Variants in HHATL observed in about 807,000 individuals in gnomAD.
The protein encoded by HHATL is hedgehog acyltransferase like.
HHATL carries 49 observed loss-of-function variants against 59.7 expected under a neutral mutation model. The observed-to-expected ratio is 0.82, with a 90% CI of 0.65 to 1.04. HHATL has a LOEUF of 1.04. Ranked by LOEUF, HHATL falls within the 50% of genes least tolerant of loss-of-function variation. HHATL has a pLI of 0.00. For synonymous variants in HHATL, 238 were observed against 257.3 expected, an observed-to-expected ratio of 0.93 and a Z score of 0.72; for missense variants, 605 against 650.8, an observed-to-expected ratio of 0.93 and a Z score of 0.77.
chr3:42,698,403 G>A (rs1489790716), intron 5 of HHATL, 52 bp from the exon 6 acceptor site: 1 of 1,544,838 alleles, frequency 6.5e-7, no homozygotes, highest in African/African-American at 1.4e-5. Context: ...TCCTGTCTCT[G>A]GAAAACCTAT....
chr3:42,699,675 C>A lies in HHATL; in HGVS notation c.174+83G>T, dbSNP rs1697847200. On this transcript the variant is annotated intron_variant, in intron 3 of 11. Transcript: ENST00000441594. ...AGAGGCCCCAGAGCTGTGAGAAGCT[C>A]TCTGTTACTTGCCAACATCTGGAAC... The A allele has an allele frequency of 1.3e-5, 16 of 1,225,616 alleles. 1 individual carries two copies. The highest frequency in any genetic ancestry group is 2.6e-5 in the East Asian group (1 of 39,128). 75.9% of individuals were successfully genotyped at this position (1,225,616 alleles called of 1,614,324 possible). A position where few individuals can be genotyped will look rare whatever the true frequency, so the allele number is the denominator to read the frequency against.
intron 9 of HHATL, among the ~76,000 whole-genome samples, chr3:42,696,277 T>C (rs1697606353): frequency 6.6e-6 from 1 of 151,988 alleles, no homozygotes; most frequent in African/African-American, 2.4e-5. Context: ...CAAGCAGAGC[T>C]CTTGCAGGCT....
At position 42,697,007 on chromosome 3, in the gene HHATL, G is replaced by A. The variant is rs765883293; in HGVS notation, c.1004C>T (p.Ala335Val). The A allele has an allele frequency of 4.4e-6, 7 of 1,607,534 alleles. No homozygotes were observed. The highest frequency in any genetic ancestry group is 2.2e-5 in the East Asian group (1 of 44,814). ...CGTCCTGGCCAGCACTCACGTTTCC[G>A]CAAAGACGTAGAGTGCGGTGATGCA... ...PKCITALYVF[A>V]ETHFDRGIND... Residue 335 changes from alanine (A) to valine (V), a missense_variant, in exon 8 of 12, where the codon GCG (alanine) becomes GTG (valine). Transcript: ENST00000441594.
At position 42,699,796 on chromosome 3, in the gene HHATL, A is replaced by C; in HGVS notation, c.136T>G (p.Ser46Ala). The change falls in exon 3 of 12, where the codon TCT becomes GCT. Residue 46 changes from serine (S) to alanine (A), a missense_variant. Ser to Ala is a moderately conservative substitution (Grantham distance 99). Coordinates refer to ENST00000441594, the MANE Select transcript of HHATL (RefSeq NM_020707.4). ...DGAHRKAFRE[S>A]VRPGWEYIGR... Reference sequence around the variant, plus strand: ...ATGTACTCCCAGCCAGGTCGCACAGACTCCCGGAAGGCCTTCCTGTGGGCC... The same window carrying C: ...ATGTACTCCCAGCCAGGTCGCACAGCCTCCCGGAAGGCCTTCCTGTGGGCC... 1.3e-6 allele frequency: 2 copies of C among 1,574,508 alleles called. No individual in the cohort carries two copies. Among genetic ancestry groups the C allele is most frequent in the Non-Finnish European group, 1.7e-6 (2 of 1,159,354 alleles).
In HHATL at chr3:42,697,122, C is replaced by T. The variant is rs1262155786; in HGVS notation, c.889G>A (p.Val297Met). 6.5e-7 allele frequency: 1 copy of T among 1,547,798 alleles called. No individual in the cohort carries two copies. Among genetic ancestry groups the T allele is most frequent in the East Asian group, 2.3e-5 (1 of 44,254 alleles). ...ALAGLAYSNL[V>M]YDWVKAAVLF... ...ACGGCCGCCTTCACCCAGTCATACA[C>T]CAGGTTTGAATAGGCTAGGCCAGCT... Residue 297 changes from valine to methionine, a missense_variant, in exon 8 of 12, where the codon GTG (valine) becomes ATG (methionine). Val to Met is a conservative substitution (Grantham distance 21). Coordinates refer to ENST00000441594, the MANE Select transcript of HHATL (RefSeq NM_020707.4).
chr3:42,695,648 C>T (rs1697576922), intron 9 of HHATL, among the ~76,000 whole-genome samples: 1 of 152,206 alleles, frequency 6.6e-6, no homozygotes, highest in Non-Finnish European at 1.5e-5. Flanking sequence ...TGTTGCCTCT[C>T]TCCACGTCCC....
rs757737734 is a variant in HHATL at position 42,698,177 on chromosome 3, CGAA to C, written c.655_657del (p.Phe219del). The C allele has an allele frequency of 7.3e-5, 118 of 1,613,836 alleles. No homozygotes were observed. Among genetic ancestry groups the C allele is most frequent in the Middle Eastern group, 1.6e-4 (1 of 6,084 alleles). Reference sequence around the variant, plus strand: ...AAGCGATCAAAGGTCATGATGGGCCCGAAGAAGAAGAAGGGCAGGTAGAAGTTG... The same window carrying C: ...AAGCGATCAAAGGTCATGATGGGCCCGAAGAAGAAGGGCAGGTAGAAGTTG... On this transcript the variant is annotated inframe_deletion, in exon 6 of 12. Transcript: ENST00000441594.
intron 9 of HHATL, chr3:42,694,076 T>G (rs921052448): frequency 7.5e-6 from 4 of 532,952 alleles, no homozygotes; most frequent in Non-Finnish European, 1.4e-5. Context: ...GTACTAGCTC[T>G]ATGACGATGA....
chr3:42,692,874 C>A lies in HHATL; in HGVS notation c.1392G>T (p.Gly464=), dbSNP rs1407036034. 4.3e-6 allele frequency: 7 copies of A among 1,614,152 alleles called. No individual in the cohort carries two copies. Among genetic ancestry groups the A allele is most frequent in the Non-Finnish European group, 5.9e-6 (7 of 1,179,972 alleles). ...GGATGGACAGCGTGGTCTGGGGGAA[C>A]CCTGTGTGGGGAGGGAGTCATAGAT... ...ELVARRLLLT[G]FPQTTLSILF... Residue 464 remains glycine (G), a splice_region_variant and synonymous_variant, in exon 12 of 12, where the codon GGG becomes GGT. Coordinates refer to ENST00000441594, the MANE Select transcript of HHATL (RefSeq NM_020707.4).
chr3:42,692,910 A>C, intron 11 of HHATL, 35 bp from the exon 12 acceptor site: 1 of 1,602,900 alleles, frequency 6.2e-7, no homozygotes, highest in Non-Finnish European at 8.5e-7. Flanking sequence ...GCTCAGGAGC[A>C]GCACTGCATC....
chr3:42,698,786 C>T lies in HHATL; in HGVS notation c.405G>A (p.Leu135=), dbSNP rs750570576. 9.9e-6 allele frequency: 16 copies of T among 1,612,910 alleles called. No homozygotes were observed. The highest frequency in any genetic ancestry group is 1.3e-5 in the Non-Finnish European group (15 of 1,179,654). The part of the protein sequence containing the change: ...HCVGLYVASL[L]GQPWLCLGLG... ...GGCCAAGACAGAGCCAGGGCTGGCCCAAAAGCGAGGCCACATAGAGGCCCA... is the reference window on the plus strand; with the variant it reads ...GGCCAAGACAGAGCCAGGGCTGGCCTAAAAGCGAGGCCACATAGAGGCCCA... Residue 135 remains leucine (L), a synonymous_variant, in exon 5 of 12, where the codon TTG becomes TTA. Coordinates refer to ENST00000441594, the MANE Select transcript of HHATL (RefSeq NM_020707.4).
chr3:42,693,129 G>C lies in HHATL; in HGVS notation c.1338C>G (p.Ser446Arg), dbSNP rs757458637. ...FWAIIMYNLV[S>R]LNSLKFTELV... ...GCTCTGTGAATTTGAGGCTGTTCAGGCTCACAAGGTTGTACATGATGATGG... is the reference window on the plus strand; with the variant it reads ...GCTCTGTGAATTTGAGGCTGTTCAGCCTCACAAGGTTGTACATGATGATGG... The change falls in exon 11 of 12, where the codon AGC becomes AGG. Residue 446 changes from serine (S) to arginine (R), a missense_variant. Ser to Arg is a moderately radical substitution (Grantham distance 110). Transcript: ENST00000441594. 6.2e-7 allele frequency: 1 copy of C among 1,614,148 alleles called. No homozygotes were observed. Among genetic ancestry groups the C allele is most frequent in the South Asian group, 1.1e-5 (1 of 91,084 alleles).
At chr3:42,700,606 C>G (rs1697919848) in intron 2 of HHATL, 115 bp downstream of exon 2, 1 of 652,410 alleles carries the variant, frequency 1.5e-6, no homozygotes. Context: ...CAGCCGTGTT[C>G]TAGAAGGAGT....
Position 42,692,882 on chromosome 3 carries a change from G to C in HHATL, c.1391-7C>G. On this transcript the variant is annotated splice_region_variant and splice_polypyrimidine_tract_variant and intron_variant, in intron 11 of 11. Transcript: ENST00000441594. ...AGCGTGGTCTGGGGGAACCCTGTGT[G>C]GGGAGGGAGTCATAGATGCTCAGGA... 6.2e-7 allele frequency: 1 copy of C among 1,613,772 alleles called. No homozygotes were observed. Among genetic ancestry groups the C allele is most frequent in the Non-Finnish European group, 8.5e-7 (1 of 1,179,666 alleles).
intron 9 of HHATL, among the ~76,000 whole-genome samples, chr3:42,695,492 C>T (rs78386181): frequency 0.023 from 3,476 of 152,308 alleles, 135 homozygotes; most frequent in African/African-American, 0.079. Context: ...TCCAATACCA[C>T]CTGGGTACTC....
rs764867370 is a variant in HHATL, at chr3:42,696,916, G to A, written c.1011-39C>T. 26 of 1,613,970 alleles carry A rather than the reference G, an allele frequency of 1.6e-5. No homozygotes were observed. In the African/African-American group the frequency reaches 1.7e-4, roughly 11 times the overall value. Reference sequence around the variant, plus strand: ...GCAGATGGGCATGTTGCCATCAGGCGCAGAGCTCCCCAGGCATGGGGGAAG... The same window carrying A: ...GCAGATGGGCATGTTGCCATCAGGCACAGAGCTCCCCAGGCATGGGGGAAG... On this transcript the variant is annotated intron_variant, in intron 8 of 11. Coordinates refer to ENST00000441594, the MANE Select transcript of HHATL (RefSeq NM_020707.4).
Position 42,699,749 on chromosome 3 carries a change from G to A in HHATL, c.174+9C>T, listed in dbSNP as rs765587906. ...GGATGGGAGGGACCCTGGGATGTGG[G>A]GGACCTACCATCTTCCGGCCAATGT... On this transcript the variant is annotated intron_variant, in intron 3 of 11. Transcript: ENST00000441594. 3.8e-6 allele frequency: 6 copies of A among 1,575,712 alleles called. No homozygotes were observed. In the African/African-American group the frequency reaches 4.1e-5, roughly 11 times the overall value.
intron 6 of HHATL, 93 bp downstream of exon 6, chr3:42,698,049 C>T: frequency 1.5e-6 from 2 of 1,292,644 alleles, no homozygotes; most frequent in South Asian, 1.3e-5. Context: ...GATGGGGATA[C>T]AGCCTGCTTG....
rs1698008004 is a variant in HHATL at position 42,701,815 on chromosome 3, G to A, written c.-14+764C>T. Among the ~76,000 whole-genome samples the A allele has an allele frequency of 6.6e-6, 1 of 152,232 alleles. No individual in the cohort carries two copies. The highest frequency in any genetic ancestry group is 6.5e-5 in the Admixed American group (1 of 15,288). On this transcript the variant is annotated intron_variant, in intron 1 of 11. Transcript: ENST00000441594. The surrounding 1 kb of genome is among the most constrained non-coding windows in gnomAD (Gnocchi z 5.1). ...ATACAGACATAGGACCCAAATTAAA[G>A]GGAGGAAGCAGGGAACATGTCCAGG...
Sources: allele counts gnomAD v4.1 joint callset (sites outside exome capture counted in the v4.1 genomes callset), GRCh38; gene constraint gnomAD v4.1.1; non-coding constraint Gnocchi (gnomAD v3.1); transcripts MANE v1.5; gene names NCBI Gene and HGNC (gene_info 2026-07-23, HGNC 2026-07-21).